Variants in CHD8 observed in about 807,000 individuals in gnomAD.
CHD8 encodes the protein ATP-dependent chromatin remodeler CHD8.
In CHD8, 31 loss-of-function variants were observed where a neutral mutation model predicts 279.2. The ratio of observed to expected loss-of-function variants is 0.11; its 90% CI spans 0.08 to 0.15. The LOEUF is 0.15. CHD8 is among the 10% of genes least tolerant of loss of function. The pLI, the probability that CHD8 is intolerant of heterozygous loss-of-function variation, is 1.00. For synonymous variants in CHD8, 1,081 were observed against 1,139.6 expected, an observed-to-expected ratio of 0.95 and a Z score of 1.04; for missense variants, 2,146 against 3,230.5, an observed-to-expected ratio of 0.66 and a Z score of 8.14.
rs1197585570 is a variant in CHD8 at position 21,408,118 on chromosome 14, AG to A, written c.2730+193del. 1.3e-5 allele frequency among the ~76,000 whole-genome samples: 2 copies of A among 152,192 alleles called. No homozygotes were observed. Among genetic ancestry groups the A allele is most frequent in the Non-Finnish European group, 2.9e-5 (2 of 68,022 alleles). ...ACTTCTACCAGATCAAATGTCTACT[AG>A]GTAAAAAAAATAGCAAAGTCAAAAA... is the stretch of plus-strand genomic sequence containing the variant. On this transcript the variant is annotated intron_variant, in intron 13 of 37. Transcript: ENST00000646647. This position sits in a 1 kb window ranked among gnomAD's most constrained non-coding sequence, Gnocchi z 4.3.
Position 21,397,883 on chromosome 14 carries a change from T to A in CHD8, c.4991A>T (p.Asp1664Val). 6.2e-7 allele frequency: 1 copy of A among 1,613,204 alleles called. No individual in the cohort carries two copies. The highest frequency in any genetic ancestry group is 8.5e-7 in the Non-Finnish European group (1 of 1,179,498). ...LCFLEKAGRP[D>V]DKAIAAEHRV... ...ATGTTCTGCTGCAATTGCTTTGTCA[T>A]CTGGTCGGCCAGCCTTTTCTAGGAA... The change falls in exon 27 of 38, where the codon GAT (aspartate) becomes GTT (valine). Residue 1664 changes from aspartate (D) to valine (V), a missense_variant. Physicochemically the swap from Asp to Val is radical, Grantham distance 152. Around this residue, in one of 26 missense-constraint regions of CHD8, gnomAD observed 75 missense variants for 81.3 expected, o/e 0.92. Transcript: ENST00000646647.
rs1594348040 is a variant in CHD8 at position 21,406,000 on chromosome 14, C to A, written c.2908-136G>T. The A allele has an allele frequency of 5.1e-6, 3 of 586,046 alleles. No individual in the cohort carries two copies. In the East Asian group the frequency reaches 9.6e-5, roughly 19 times the overall value. The allele number at this position is 586,046 out of a possible 1,614,324, so 36.3% of individuals were successfully genotyped here. ...AAAATGATGAGAATGGACCAGTGAT[C>A]TGGTCCATTAATTTTTCTTCCATTT... On this transcript the variant is annotated intron_variant, in intron 14 of 37. Coordinates refer to ENST00000646647, the MANE Select transcript of CHD8 (RefSeq NM_001170629.2). The surrounding 1 kb of genome is among the most constrained non-coding windows in gnomAD (Gnocchi z 4.2).
At chr14:21,451,961 T>C (rs1166692948) in intron 1 of CHD8, among the ~76,000 whole-genome samples, 1 of 152,204 alleles carries the variant, frequency 6.6e-6, no homozygotes, top group Non-Finnish European at 1.5e-5. Flanking sequence ...CTTTAGAGTT[T>C]CATTTAAAGT....
intron 13 of CHD8, among the ~76,000 whole-genome samples, chr14:21,407,711 C>T (rs1338462695): frequency 3.9e-5 from 6 of 151,900 alleles, no homozygotes; most frequent in Non-Finnish European, 8.8e-5. Context: ...TGGTTTCAAG[C>T]GATTCTCCTG....
chr14:21,442,882 T>C (rs529151118), intron 1 of CHD8, among the ~76,000 whole-genome samples: 47 of 150,860 alleles, frequency 3.1e-4, no homozygotes, highest in African/African-American at 1.1e-3. Flanking sequence ...TGCACAAATA[T>C]TGTTGGGAGA....
At position 21,441,623 on chromosome 14, in the gene CHD8, T is replaced by C. The variant is rs531411420; in HGVS notation, c.-215-9765A>G. On this transcript the variant is annotated intron_variant, in intron 1 of 37. Coordinates refer to ENST00000646647, the MANE Select transcript of CHD8 (RefSeq NM_001170629.2). ...GCTGCCTAGAGCTGGGCGTGGTGGC[T>C]CATGCCTGTAATCCCAGCACTTTGG... 2.8e-4 allele frequency among the ~76,000 whole-genome samples: 42 copies of C among 151,986 alleles called. 1 individual carries two copies. The East Asian group carries it at 4.3e-3, about 16-fold the overall frequency.
chr14:21,390,690 A>C (rs930050031), intron 37 of CHD8, among the ~76,000 whole-genome samples: 3 of 150,972 alleles, frequency 2.0e-5, no homozygotes, highest in African/African-American at 7.3e-5. Flanking sequence ...ATGCACGAGA[A>C]TTGCTTGAAC....
At position 21,408,360 on chromosome 14, in the gene CHD8, G is replaced by C; in HGVS notation, c.2682C>G (p.Ala894=). The change falls in exon 13 of 38, where the codon GCC becomes GCG. Residue 894 remains alanine (A), a synonymous_variant. Transcript: ENST00000646647. This position sits in a 1 kb window ranked among gnomAD's most constrained non-coding sequence, Gnocchi z 4.3. The part of the protein sequence containing the change: ...MNTIVYHGSL[A]SRQMIQQYEM... ...CATACTGTTGAATCATCTGCCTGCT[G>C]GCCAGACTGCCATGGTACACAATAG... 6.2e-7 allele frequency: 1 copy of C among 1,613,878 alleles called. No homozygotes were observed. Among genetic ancestry groups the C allele is most frequent in the Non-Finnish European group, 8.5e-7 (1 of 1,179,852 alleles).
intron 37 of CHD8, 108 bp from the exon 38 acceptor site, chr14:21,386,284 TAGAAG>T: frequency 9.4e-7 from 1 of 1,065,034 alleles, no homozygotes; most frequent in Non-Finnish European, 1.3e-6. Flanking sequence ...GAATGTACCT[TAGAAG>T]AGGCAAAACA....
chr14:21,404,208 C>A (rs1888160388), intron 16 of CHD8, among the ~76,000 whole-genome samples: 1 of 151,570 alleles, frequency 6.6e-6, no homozygotes, highest in African/African-American at 2.4e-5. Context: ...GACCAGCCTG[C>A]CCCATGTGGC....
chr14:21,431,058 T>C lies in CHD8; in HGVS notation c.586A>G (p.Asn196Asp). The change falls in exon 2 of 38, where the codon AAT becomes GAT. Residue 196 changes from asparagine to aspartate, a missense_variant. Transcript: ENST00000646647. ...TTGGTAAAAGTGACTTTTCCACCAT[T>C]GGCTGTGCCTGCCACCAGGGGCTGA... is the stretch of plus-strand genomic sequence containing the variant. ...TAQPLVAGTA[N>D]GGKVTFTKVL... The C allele has an allele frequency of 6.3e-7, 1 of 1,599,318 alleles. No individual in the cohort carries two copies. Among genetic ancestry groups the C allele is most frequent in the Non-Finnish European group, 8.5e-7 (1 of 1,179,708 alleles).
chr14:21,423,473 C>T (rs1342941413), intron 5 of CHD8, among the ~76,000 whole-genome samples: 2 of 152,070 alleles, frequency 1.3e-5, no homozygotes, highest in East Asian at 3.9e-4. Flanking sequence ...CTTAAGGGTC[C>T]CCCCTCTCAA....
Position 21,400,827 on chromosome 14 carries a change from G to A in CHD8, c.4370+48C>T. The A allele has an allele frequency of 6.7e-7, 1 of 1,503,034 alleles. No individual in the cohort carries two copies. The highest frequency in any genetic ancestry group is 9.0e-7 in the Non-Finnish European group (1 of 1,114,316). 93.1% of individuals were successfully genotyped at this position (1,503,034 alleles called of 1,614,324 possible). A position where few individuals can be genotyped will look rare whatever the true frequency, so the allele number is the denominator to read the frequency against. On this transcript the variant is annotated intron_variant, in intron 22 of 37. Coordinates refer to ENST00000646647, the MANE Select transcript of CHD8 (RefSeq NM_001170629.2). This position sits in a 1 kb window ranked among gnomAD's most constrained non-coding sequence, Gnocchi z 4.2. ...AAGGCAAACCAAGAGTATCTATCAG[G>A]ATGGAGATGCACTATGCACTACCTC... is the stretch of plus-strand genomic sequence containing the variant.
intron 1 of CHD8, among the ~76,000 whole-genome samples, chr14:21,452,408 C>A (rs901538229): frequency 6.6e-6 from 1 of 151,922 alleles, no homozygotes; most frequent in Non-Finnish European, 1.5e-5. Context: ...TTTGGGAGGC[C>A]GAGGCAGGCA....
At chr14:21,432,480 T>C (rs1889604166) in intron 1 of CHD8, among the ~76,000 whole-genome samples, 1 of 152,208 alleles carries the variant, frequency 6.6e-6, no homozygotes, top group Non-Finnish European at 1.5e-5. Context: ...CTTTCTCATA[T>C]TTAAGATAAA....
intron 10 of CHD8, among the ~76,000 whole-genome samples, 193 bp downstream of exon 10, chr14:21,412,720 G>A (rs1888556319): frequency 6.6e-6 from 1 of 151,302 alleles, no homozygotes; most frequent in Non-Finnish European, 1.5e-5. Context: ...TGACTTTACA[G>A]AAATCTTTCC....
chr14:21,414,904 T>C (rs1888649417), intron 8 of CHD8, 34 bp downstream of exon 8: 1 of 1,560,780 alleles, frequency 6.4e-7, no homozygotes, highest in South Asian at 1.2e-5. Context: ...CCTGTGGAAT[T>C]TGGGGTGACA....
chr14:21,397,997 G>A, intron 26 of CHD8, 45 bp from the exon 27 acceptor site: 2 of 1,550,584 alleles, frequency 1.3e-6, no homozygotes, highest in Non-Finnish European at 1.8e-6. Flanking sequence ...GATTTGTTTT[G>A]CCTTTATGCT....
rs920675266 is a variant in CHD8 at position 21,393,802 on chromosome 14, G to C, written c.5993C>G (p.Pro1998Arg). 1.2e-6 allele frequency: 2 copies of C among 1,613,978 alleles called. No homozygotes were observed. Among genetic ancestry groups the C allele is most frequent in the South Asian group, 1.1e-5 (1 of 91,084 alleles). The change falls in exon 32 of 38, where the codon CCC (proline) becomes CGC (arginine). Residue 1998 changes from proline to arginine, a missense_variant. By Grantham distance (103) the Pro-to-Arg change is moderately radical. Around this residue, in one of 26 missense-constraint regions of CHD8, gnomAD observed 513 missense variants for 637.6 expected, o/e 0.80. Coordinates refer to ENST00000646647, the MANE Select transcript of CHD8 (RefSeq NM_001170629.2). The stretch of plus-strand genomic sequence containing the variant: ...TTCAACAGGAGCATCTGGGCGCAGG[G>C]GCAGTGGTGAGGCAGTGCGTGAGGT... Reference protein sequence around the residue: ...QYTSRTASPLPLRPDAPVEKS... With the variant: ...QYTSRTASPLRLRPDAPVEKS...
Sources: allele counts gnomAD v4.1 joint callset (sites outside exome capture counted in the v4.1 genomes callset), GRCh38; gene constraint gnomAD v4.1.1; regional missense constraint gnomAD v4.1.1; non-coding constraint Gnocchi (gnomAD v3.1); transcripts MANE v1.5; gene names NCBI Gene and HGNC (gene_info 2026-07-23, HGNC 2026-07-21).